PTPRD: variants seen among roughly 807,000 people sequenced by gnomAD.
PTPRD encodes the protein protein tyrosine phosphatase receptor type D, also known as receptor-type tyrosine-protein phosphatase delta.
A neutral mutation model predicts 214.5 loss-of-function variants in PTPRD; 34 were observed. The observed-to-expected ratio is 0.16, with a 90% CI of 0.12 to 0.21. The LOEUF (loss-of-function observed/expected upper bound fraction) is 0.21, where lower values mean the gene tolerates loss of function less well. Among genes scored for constraint, PTPRD ranks in the 10% least tolerant of loss-of-function variants. The pLI is 1.00. For missense variants in PTPRD, 2,545 were observed against 2,398.7 expected (o/e 1.06, Z -1.27); for synonymous variants, 1,128 against 845.7 (o/e 1.33, Z -5.79).
chr9:10,028,050 T>A (rs1248405119), intron 4 of PTPRD, among the ~76,000 whole-genome samples: 1 of 152,162 alleles, frequency 6.6e-6, no homozygotes, highest in African/African-American at 2.4e-5. Context: ...TCCCATGTGT[T>A]GTGGGAGGGA....
chr9:10,391,778 T>A (rs1313362753), intron 2 of PTPRD, among the ~76,000 whole-genome samples: 1 of 151,796 alleles, frequency 6.6e-6, no homozygotes, highest in East Asian at 2.0e-4. Flanking sequence ...CAAATTCCAA[T>A]GGGTTCCCAT....
chr9:10,508,086 C>T (rs866458544), intron 2 of PTPRD, among the ~76,000 whole-genome samples: 1 of 152,152 alleles, frequency 6.6e-6, no homozygotes, highest in Non-Finnish European at 1.5e-5. Flanking sequence ...CTACAAAGAA[C>T]TCAAACAAAT....
At chr9:9,008,238 T>TTTATTTATTTAC (rs2099490378) in intron 11 of PTPRD, among the ~76,000 whole-genome samples, 4 of 149,176 alleles carry the variant, frequency 2.7e-5, no homozygotes, top group African/African-American at 4.9e-5. Context: ...TATTTATTTA[T>TTTATTTATTTAC]TTATTTTTGA....
At chr9:8,802,017 ATAT>A (rs1390480406) in intron 11 of PTPRD, among the ~76,000 whole-genome samples, 3 of 152,290 alleles carry the variant, frequency 2.0e-5, no homozygotes, top group Admixed American at 1.3e-4. Flanking sequence ...AAATCCTAAA[ATAT>A]TATTTATTAT....
chr9:8,841,193 G>C (rs1156802643), intron 11 of PTPRD, among the ~76,000 whole-genome samples: 1 of 152,284 alleles, frequency 6.6e-6, no homozygotes, highest in East Asian at 1.9e-4. Flanking sequence ...TTTTCACCCT[G>C]ATTACCAATG....
At chr9:8,593,324 T>C (rs554940264) in intron 14 of PTPRD, among the ~76,000 whole-genome samples, 25 of 152,284 alleles carry the variant, frequency 1.6e-4, no homozygotes, top group Non-Finnish European at 2.8e-4. Flanking sequence ...ATATCTATGG[T>C]CTCCCTGGAC....
chr9:9,199,180 C>T (rs752439636), intron 9 of PTPRD, among the ~76,000 whole-genome samples: 115 of 151,990 alleles, frequency 7.6e-4, no homozygotes, highest in Non-Finnish European at 1.3e-3. Flanking sequence ...ACTAGTTGCA[C>T]CTAGGGTATT....
chr9:9,944,769 A>G (rs1027054460), intron 4 of PTPRD, among the ~76,000 whole-genome samples: 2 of 152,096 alleles, frequency 1.3e-5, no homozygotes, highest in Non-Finnish European at 2.9e-5. Flanking sequence ...GAGGAGACAC[A>G]TAATCTAAAT....
At chr9:10,160,905 A>G (rs901033204) in intron 3 of PTPRD, among the ~76,000 whole-genome samples, 3 of 151,972 alleles carry the variant, frequency 2.0e-5, no homozygotes, top group African/African-American at 7.2e-5. Flanking sequence ...AAAAATCAGT[A>G]GCAGTTATAT....
chr9:10,607,757 T>C (rs2133668351), intron 2 of PTPRD, among the ~76,000 whole-genome samples: 1 of 152,122 alleles, frequency 6.6e-6, no homozygotes, highest in East Asian at 1.9e-4. Flanking sequence ...ATTATTGGTT[T>C]TCTTTAAGAA....
intron 11 of PTPRD, among the ~76,000 whole-genome samples, chr9:8,873,770 C>T (rs1208961403): frequency 6.6e-6 from 1 of 152,008 alleles, no homozygotes; most frequent in Admixed American, 6.6e-5. Flanking sequence ...GCACGTAGGT[C>T]TGCAACCCTG....
chr9:9,427,533 C>T (rs1168403068), intron 8 of PTPRD, among the ~76,000 whole-genome samples: 1 of 105,784 alleles, frequency 9.5e-6, no homozygotes. Flanking sequence ...GCAAGGCAGG[C>T]CAACATTGAA....
At chr9:10,310,034 C>A (rs1181391178) in intron 3 of PTPRD, among the ~76,000 whole-genome samples, 1 of 152,016 alleles carries the variant, frequency 6.6e-6, no homozygotes, top group Non-Finnish European at 1.5e-5. Context: ...AGGTATCATA[C>A]AATCAAAGCT....
At chr9:9,194,140 C>T (rs1303859799) in intron 9 of PTPRD, among the ~76,000 whole-genome samples, 2 of 152,076 alleles carry the variant, frequency 1.3e-5, no homozygotes, top group African/African-American at 4.8e-5. Context: ...TCATCAGTAT[C>T]ACTGTCTTCC....
At chr9:10,364,024 G>T (rs1405290292) in intron 2 of PTPRD, among the ~76,000 whole-genome samples, 1 of 29,456 alleles carries the variant, frequency 3.4e-5, no homozygotes, top group Non-Finnish European at 4.4e-5. Context: ...TTTTGAGATG[G>T]AGTCTTGCTC....
At chr9:9,230,711 A>G (rs1246223359) in intron 9 of PTPRD, among the ~76,000 whole-genome samples, 3 of 152,110 alleles carry the variant, frequency 2.0e-5, no homozygotes, top group Admixed American at 6.6e-5. Flanking sequence ...AGTTGTTGTC[A>G]GGAGTGTTGC....
chr9:8,881,319 T>C (rs775552424), intron 11 of PTPRD, among the ~76,000 whole-genome samples: 8 of 152,186 alleles, frequency 5.3e-5, no homozygotes, highest in Non-Finnish European at 8.8e-5. Flanking sequence ...GAAAACTTAG[T>C]CTTAAAAGAA....
intron 5 of PTPRD, among the ~76,000 whole-genome samples, chr9:9,811,234 G>A (rs965732508): frequency 2.0e-5 from 3 of 152,122 alleles, no homozygotes; most frequent in Non-Finnish European, 2.9e-5. Flanking sequence ...GTTAGCAAGA[G>A]ATTGAGTCTA....
intron 36 of PTPRD, among the ~76,000 whole-genome samples, chr9:8,394,945 T>C (rs1233624684): frequency 2.6e-5 from 4 of 152,040 alleles, no homozygotes; most frequent in South Asian, 2.1e-4. Flanking sequence ...TAGCGGGTGA[T>C]AATAACTAAG....
Sources: gnomAD v4.1 joint callset for allele counts (sites outside exome capture counted in the v4.1 genomes callset) on GRCh38, gnomAD v4.1.1 for gene constraint, MANE v1.5 for transcripts, NCBI Gene and HGNC (gene_info 2026-07-23, HGNC 2026-07-21) for gene names.